Variants in SMARCC1 observed in about 807,000 individuals in gnomAD.
The protein encoded by SMARCC1 is SWI/SNF complex subunit SMARCC1.
In SMARCC1, 43 loss-of-function variants were observed where a neutral mutation model predicts 147.4. The observed-to-expected ratio is 0.29, with a 90% confidence interval of 0.23 to 0.38. The LOEUF is 0.38. SMARCC1 is among the 10% of genes least tolerant of loss of function. The pLI is 1.00. For synonymous variants in SMARCC1, 495 were observed against 484.4 expected, an observed-to-expected ratio of 1.02 and a Z score of -0.29; for missense variants, 1,119 against 1,381.1, an observed-to-expected ratio of 0.81 and a Z score of 3.01.
chr3:47,665,671 G>A (rs981353513), intron 19 of SMARCC1, among the ~76,000 whole-genome samples: 6 of 152,072 alleles, frequency 3.9e-5, no homozygotes, highest in South Asian at 4.1e-4. Flanking sequence ...AATAAGAGAG[G>A]CAAATTAAAG....
chr3:47,680,287 T>G, intron 15 of SMARCC1, 150 bp downstream of exon 15: 1 of 659,768 alleles, frequency 1.5e-6, no homozygotes, highest in Non-Finnish European at 2.7e-6. Flanking sequence ...CTGTGTACCA[T>G]GGAATGCTAT....
chr3:47,602,025 T>C (rs1490003736), intron 26 of SMARCC1, among the ~76,000 whole-genome samples: 2 of 151,938 alleles, frequency 1.3e-5, no homozygotes, highest in African/African-American at 4.8e-5. Flanking sequence ...TTTTTCGGTG[T>C]GGGGTTGAGT....
At chr3:47,759,064 GT>G (rs2034739773) in intron 2 of SMARCC1, among the ~76,000 whole-genome samples, 1 of 151,376 alleles carries the variant, frequency 6.6e-6, no homozygotes, top group Non-Finnish European at 1.5e-5. Context: ...CCAGGCCATA[GT>G]GCAGAGGTGC....
chr3:47,650,264 A>G (rs767496902), intron 21 of SMARCC1, among the ~76,000 whole-genome samples: 3 of 145,574 alleles, frequency 2.1e-5, no homozygotes, highest in Non-Finnish European at 4.5e-5. Context: ...CGACAGAGCG[A>G]GACTCTGTTT....
At chr3:47,661,187 T>C (rs748939796) in intron 21 of SMARCC1, 107 bp downstream of exon 21, 59 of 927,504 alleles carry the variant, frequency 6.4e-5, no homozygotes, top group Non-Finnish European at 9.4e-5. Flanking sequence ...AAGTTTATAC[T>C]GATCATTGTA....
chr3:47,771,723 G>A (rs951327491), intron 2 of SMARCC1, among the ~76,000 whole-genome samples: 16 of 151,906 alleles, frequency 1.1e-4, no homozygotes, highest in African/African-American at 3.9e-4. Context: ...CAGCCTGGGC[G>A]ACAGAACAAG....
intron 10 of SMARCC1, 126 bp downstream of exon 10, chr3:47,706,283 G>T: frequency 2.4e-6 from 2 of 828,226 alleles, no homozygotes; most frequent in Non-Finnish European, 3.3e-6. Context: ...TGTTGGCCAG[G>T]CTGGATTTGA....
At chr3:47,657,369 T>C (rs1000816947) in intron 21 of SMARCC1, among the ~76,000 whole-genome samples, 2 of 152,216 alleles carry the variant, frequency 1.3e-5, no homozygotes, top group African/African-American at 4.8e-5. Context: ...ACAAATTACC[T>C]TCTCTGATTA....
chr3:47,748,387 TTC>T (rs750442454), intron 2 of SMARCC1, among the ~76,000 whole-genome samples: 16 of 152,044 alleles, frequency 1.1e-4, no homozygotes, highest in Non-Finnish European at 2.2e-4. Context: ...CTAATTTTTT[TTC>T]TGTTTTTTGC....
chr3:47,604,874 T>C (rs1054087411), intron 26 of SMARCC1, among the ~76,000 whole-genome samples: 3 of 152,214 alleles, frequency 2.0e-5, no homozygotes, highest in Non-Finnish European at 4.4e-5. Context: ...AATTTTCCTA[T>C]TTTTAGTAGA....
At chr3:47,764,334 C>A (rs1479877890) in intron 2 of SMARCC1, among the ~76,000 whole-genome samples, 2 of 152,044 alleles carry the variant, frequency 1.3e-5, no homozygotes, top group Non-Finnish European at 2.9e-5. Context: ...GTGTGCCCAG[C>A]TAAATATGTA....
chr3:47,656,683 C>T (rs1246969219), intron 21 of SMARCC1, among the ~76,000 whole-genome samples: 1 of 151,990 alleles, frequency 6.6e-6, no homozygotes, highest in Non-Finnish European at 1.5e-5. Context: ...GGGAGGCAGA[C>T]ATGGGTGGAT....
intron 22 of SMARCC1, among the ~76,000 whole-genome samples, chr3:47,636,788 A>ATATGTG (rs1385700826): frequency 9.7e-4 from 78 of 80,660 alleles, no homozygotes; most frequent in African/African-American, 3.1e-3. Flanking sequence ...AAATATATAT[A>ATATGTG]TGTGTGTGTG....
intron 22 of SMARCC1, 147 bp from the exon 23 acceptor site, chr3:47,636,283 G>A (rs745515565): frequency 1.0e-4 from 61 of 592,496 alleles, no homozygotes; most frequent in African/African-American, 2.1e-4. Flanking sequence ...AGAACAGCTC[G>A]AAAAGAACTA....
chr3:47,659,214 A>G (rs2033305016), intron 21 of SMARCC1, among the ~76,000 whole-genome samples: 1 of 151,514 alleles, frequency 6.6e-6, no homozygotes, highest in African/African-American at 2.4e-5. Flanking sequence ...GAATATTACC[A>G]AACACTTAAA....
At chr3:47,724,333 AATG>A (rs1217031272) in intron 6 of SMARCC1, among the ~76,000 whole-genome samples, 2 of 152,220 alleles carry the variant, frequency 1.3e-5, no homozygotes, top group Non-Finnish European at 1.5e-5. Context: ...CTATGACATG[AATG>A]AACAATAAGG....
At chr3:47,633,777 T>C (rs62262086) in intron 24 of SMARCC1, among the ~76,000 whole-genome samples, 749 of 46,396 alleles carry the variant, frequency 0.016, 44 homozygotes, top group African/African-American at 0.06. Flanking sequence ...TATATATATA[T>C]ATACACACAC....
chr3:47,619,322 G>A (rs976886977), intron 25 of SMARCC1, among the ~76,000 whole-genome samples: 2 of 152,214 alleles, frequency 1.3e-5, no homozygotes, highest in East Asian at 3.8e-4. Context: ...ATTTAAGTAA[G>A]GGCCTGTGAT....
intron 26 of SMARCC1, among the ~76,000 whole-genome samples, chr3:47,596,083 A>T (rs1199501834): frequency 2.0e-5 from 3 of 151,610 alleles, no homozygotes; most frequent in African/African-American, 7.3e-5. Context: ...AAAACAAAAC[A>T]AAACTGCTGG....
Sources: gnomAD v4.1 joint callset for allele counts (sites outside exome capture counted in the v4.1 genomes callset) on GRCh38, gnomAD v4.1.1 for gene constraint, MANE v1.5 for transcripts, NCBI Gene and HGNC (gene_info 2026-07-23, HGNC 2026-07-21) for gene names.